STON2: variants seen among roughly 807,000 people sequenced by gnomAD.
The protein encoded by STON2 is stonin-2.
Under a neutral mutation model 65.7 loss-of-function variants are expected in STON2, and 29 were observed. The observed-to-expected ratio is 0.44, with a 90% CI of 0.33 to 0.60. STON2 has a LOEUF of 0.60. STON2 is among the 20% of genes least tolerant of loss of function. The pLI, the probability that STON2 is intolerant of heterozygous loss-of-function variation, is 0.03. For missense variants in STON2, 1,054 were observed against 1,118.1 expected, an observed-to-expected ratio of 0.94 and a Z score of 0.82; for synonymous variants, 404 against 414.2, an observed-to-expected ratio of 0.98 and a Z score of 0.30.
chr14:81,435,038 A>C (rs150541271), intron 1 of STON2, among the ~76,000 whole-genome samples: 8 of 152,230 alleles, frequency 5.3e-5, no homozygotes, highest in Admixed American at 3.9e-4. Flanking sequence ...ACTTTCAAAT[A>C]CTTCCCCCAA....
intron 5 of STON2, among the ~76,000 whole-genome samples, chr14:81,313,381 C>T (rs7153613): frequency 0.79 from 119,724 of 152,092 alleles, 47,271 homozygotes; most frequent in African/African-American, 0.8. Context: ...CACCTTCTGT[C>T]GTTTAGTGAA....
rs1200922516 is a variant in STON2, at chr14:81,322,849, G to A, written c.742+1168C>T. Among the ~76,000 whole-genome samples, 4 of 152,180 alleles carry A rather than the reference G, an allele frequency of 2.6e-5. No individual in the cohort carries two copies. In the East Asian group the frequency reaches 7.7e-4, roughly 29 times the overall value. Reference sequence around the variant, plus strand: ...AGAAACCTGGATATGTTAAGCATAGGCTGCTCCGTACAGGGAATCCTTAAG... The same window carrying A: ...AGAAACCTGGATATGTTAAGCATAGACTGCTCCGTACAGGGAATCCTTAAG... On this transcript the variant is annotated intron_variant, in intron 5 of 7. Transcript: ENST00000614646.
At chr14:81,368,503 C>T (rs1254478772) in intron 4 of STON2, among the ~76,000 whole-genome samples, 1 of 152,136 alleles carries the variant, frequency 6.6e-6, no homozygotes, top group African/African-American at 2.4e-5. Context: ...CACCTGAGGT[C>T]AGGAGTTTGA....
chr14:81,287,005 T>G (rs1895357492), intron 5 of STON2, among the ~76,000 whole-genome samples: 1 of 152,188 alleles, frequency 6.6e-6, no homozygotes, highest in Admixed American at 6.5e-5. Flanking sequence ...CACAACTTCT[T>G]AGGAACATTT....
Position 81,261,171 on chromosome 14 carries a change from T to C in STON2, c.*7243A>G, listed in dbSNP as rs887266416. 7.9e-5 allele frequency: 12 copies of C among 152,228 alleles called. No homozygotes were observed. The highest frequency in any genetic ancestry group is 2.7e-4 in the African/African-American group (11 of 41,456). The allele number at this position is 152,228 out of a possible 1,614,324, so 9.4% of individuals were successfully genotyped here. On this transcript the variant is annotated 3_prime_UTR_variant, in exon 8 of 8. Transcript: ENST00000614646. Reference sequence around the variant, plus strand: ...AGAACTCTCACACCCAACAATTTGCTGTTGGGACCTGACTATACATCTGCT... The same window carrying C: ...AGAACTCTCACACCCAACAATTTGCCGTTGGGACCTGACTATACATCTGCT...
chr14:81,360,932 C>T (rs1898465998), intron 4 of STON2, among the ~76,000 whole-genome samples: 1 of 151,762 alleles, frequency 6.6e-6, no homozygotes, highest in South Asian at 2.1e-4. Context: ...CCTACAAAAA[C>T]AAAAGAATAC....
chr14:81,403,626 C>T (rs11629151), upstream of STON2, among the ~76,000 whole-genome samples: 17,715 of 152,164 alleles, frequency 0.12, 1,346 homozygotes, highest in Admixed American at 0.17. Context: ...GTGCAGCATC[C>T]TAACCAGACC....
chr14:81,333,299 T>G (rs1327115500), intron 4 of STON2: 4 of 673,704 alleles, frequency 5.9e-6, no homozygotes, highest in Non-Finnish European at 1.1e-5. Flanking sequence ...TGACCATTTG[T>G]TTCCTCTGAA....
intron 1 of STON2, among the ~76,000 whole-genome samples, chr14:81,435,313 C>A (rs1902374271): frequency 6.6e-6 from 1 of 152,068 alleles, no homozygotes; most frequent in Admixed American, 6.6e-5. Context: ...CAAATGGTTG[C>A]TAGGCCAGTT....
chr14:81,324,467 C>G (rs1896936384), intron 4 of STON2, among the ~76,000 whole-genome samples: 1 of 152,274 alleles, frequency 6.6e-6, no homozygotes, highest in Non-Finnish European at 1.5e-5. Flanking sequence ...TGCTTTAGCA[C>G]ACATCCTTTT....
chr14:81,428,370 T>C (rs1459487431), intron 1 of STON2, among the ~76,000 whole-genome samples: 1 of 152,254 alleles, frequency 6.6e-6, no homozygotes, highest in East Asian at 1.9e-4. Context: ...CTACCAAATA[T>C]GGATCACCCC....
At position 81,268,280 on chromosome 14, in the gene STON2, A is replaced by G. The variant is rs1290452471; in HGVS notation, c.*134T>C. The G allele has an allele frequency of 2.5e-6, 3 of 1,204,754 alleles. No homozygotes were observed. The highest frequency in any genetic ancestry group is 3.2e-6 in the Non-Finnish European group (3 of 951,688). The allele number at this position is 1,204,754 out of a possible 1,614,324, so 74.6% of individuals were successfully genotyped here. ...GTAACTGCAAACAGGAAGATCTGGT[A>G]TACTGTTCCCAACATGCAGTGGCCA... On this transcript the variant is annotated 3_prime_UTR_variant, in exon 8 of 8. Coordinates refer to ENST00000614646, the MANE Select transcript of STON2 (RefSeq NM_001394390.1).
intron 5 of STON2, among the ~76,000 whole-genome samples, chr14:81,279,898 A>T (rs1220759972): frequency 6.6e-6 from 1 of 152,220 alleles, no homozygotes; most frequent in African/African-American, 2.4e-5. Context: ...ACCCTAAGAA[A>T]ATAAATCTAA....
At chr14:81,414,409 C>T (rs1901319290) in intron 2 of STON2, among the ~76,000 whole-genome samples, 1 of 152,122 alleles carries the variant, frequency 6.6e-6, no homozygotes, top group South Asian at 2.1e-4. Flanking sequence ...GATGCTCACA[C>T]TTAGAAAGCT....
chr14:81,310,980 G>A (rs981663420), intron 5 of STON2, among the ~76,000 whole-genome samples: 2 of 152,060 alleles, frequency 1.3e-5, no homozygotes, highest in Non-Finnish European at 2.9e-5. Context: ...TGAGTCAACG[G>A]GTGCCACTGA....
chr14:81,343,486 A>G (rs1595374588), intron 4 of STON2, among the ~76,000 whole-genome samples: 2 of 152,022 alleles, frequency 1.3e-5, no homozygotes, highest in East Asian at 1.9e-4. Context: ...CCTGATTCCA[A>G]TTCTGCAGCA....
upstream of STON2, among the ~76,000 whole-genome samples, chr14:81,400,445 CA>C (rs1477138488): frequency 7.6e-6 from 1 of 132,090 alleles, no homozygotes; most frequent in Non-Finnish European, 1.5e-5. Context: ...CTTTCAACGA[CA>C]GCAGCATGTA....
chr14:81,310,805 C>T (rs1389900388), intron 5 of STON2, among the ~76,000 whole-genome samples: 2 of 152,134 alleles, frequency 1.3e-5, no homozygotes, highest in African/African-American at 4.8e-5. Context: ...ACATTCCTTC[C>T]CCTCAAGCCT....
At chr14:81,383,647 C>T (rs1899644714) in intron 3 of STON2, among the ~76,000 whole-genome samples, 1 of 152,096 alleles carries the variant, frequency 6.6e-6, no homozygotes, top group African/African-American at 2.4e-5. Context: ...TCCAAGCTAC[C>T]ACCCTGCTGC....
Sources: gnomAD v4.1 joint callset for allele counts (sites outside exome capture counted in the v4.1 genomes callset) on GRCh38, gnomAD v4.1.1 for gene constraint, MANE v1.5 for transcripts, NCBI Gene and HGNC (gene_info 2026-07-23, HGNC 2026-07-21) for gene names.